The following TGM6 variants were observed in gnomAD, a reference collection of about 807,000 sequenced individuals.
TGM6 encodes the protein protein-glutamine gamma-glutamyltransferase 6.
In TGM6, 74 loss-of-function variants were observed where a neutral mutation model predicts 77.5. The ratio of observed to expected loss-of-function variants is 0.96; its 90% CI spans 0.79 to 1.16. TGM6 has a LOEUF of 1.16. TGM6 is among the 50% of genes most tolerant of loss of function. The probability of loss-of-function intolerance (pLI) is 0.00; values close to 1 mark genes in which losing one functional copy is unlikely to be tolerated. For missense variants in TGM6, 968 were observed against 940.2 expected (o/e 1.03, Z -0.39); for synonymous variants, 383 against 378.9 (o/e 1.01, Z -0.12).
intron 1 of TGM6, among the ~76,000 whole-genome samples, chr20:2,382,666 T>G (rs1239320022): frequency 6.6e-6 from 1 of 152,172 alleles, no homozygotes; most frequent in East Asian, 1.9e-4. Flanking sequence ...CTTGGGAGGA[T>G]CTGTTCCTCA....
intron 1 of TGM6, among the ~76,000 whole-genome samples, chr20:2,382,199 T>C (rs2084559760): frequency 1.3e-5 from 2 of 152,256 alleles, no homozygotes; most frequent in Non-Finnish European, 2.9e-5. Context: ...CCTCTTCATA[T>C]TTCCTCCTGG....
At chr20:2,418,905 T>C (rs1325085381) in intron 10 of TGM6, among the ~76,000 whole-genome samples, 6 of 151,802 alleles carry the variant, frequency 4.0e-5, no homozygotes, top group Non-Finnish European at 8.8e-5. Context: ...TGAAACCCCA[T>C]CTCTACTAAA....
Position 2,403,510 on chromosome 20 carries a change from A to G in TGM6, c.1093+10A>G, listed in dbSNP as rs375737445. ...CAGGAGGAGAGTGAAGGTACGCTCA[A>G]TTGGGTGGGGTAAGTTCCAGACCCC... On this transcript the variant is annotated intron_variant, in intron 8 of 12. Transcript: ENST00000202625. The G allele has an allele frequency of 3.7e-5, 60 of 1,613,970 alleles. No individual in the cohort carries two copies. Among genetic ancestry groups the G allele is most frequent in the Middle Eastern group, 1.6e-4 (1 of 6,084 alleles).
At chr20:2,394,853 T>C (rs1259459337) in intron 2 of TGM6, among the ~76,000 whole-genome samples, 1 of 152,148 alleles carries the variant, frequency 6.6e-6, no homozygotes. Context: ...TCTGGAACCC[T>C]GTGTGTACCA....
At chr20:2,396,275 G>A (rs1202315423) in intron 3 of TGM6, among the ~76,000 whole-genome samples, 1 of 152,148 alleles carries the variant, frequency 6.6e-6, no homozygotes, top group Non-Finnish European at 1.5e-5. Flanking sequence ...ACCCAAAGCT[G>A]TCAGTTCCCA....
Position 2,409,605 on chromosome 20 carries a change from G to A in TGM6, c.1336+5782G>A, listed in dbSNP as rs1464274455. Among the ~76,000 whole-genome samples the A allele has an allele frequency of 6.6e-5, 10 of 151,720 alleles. 1 individual carries two copies. The highest frequency in any genetic ancestry group is 3.9e-4 in the Admixed American group (6 of 15,236). On this transcript the variant is annotated intron_variant, in intron 9 of 12. Transcript: ENST00000202625. Reference sequence around the variant, plus strand: ...CATGCACCTATAGTTCCAGCTACTCGGGAGGCTGAGGCAAGAGAATCACCT... The same window carrying A: ...CATGCACCTATAGTTCCAGCTACTCAGGAGGCTGAGGCAAGAGAATCACCT...
At chr20:2,418,566 G>A (rs977368080) in intron 10 of TGM6, among the ~76,000 whole-genome samples, 9 of 152,298 alleles carry the variant, frequency 5.9e-5, no homozygotes, top group Admixed American at 5.9e-4. Flanking sequence ...TTCAAAGCCA[G>A]GAACGTTGAC....
chr20:2,383,644 T>C (rs921628583), intron 1 of TGM6, among the ~76,000 whole-genome samples: 3 of 152,108 alleles, frequency 2.0e-5, no homozygotes, highest in African/African-American at 7.2e-5. Context: ...AGTGATGGGA[T>C]GGATTGAACA....
intron 9 of TGM6, among the ~76,000 whole-genome samples, chr20:2,407,092 A>G (rs6036390): frequency 0.45 from 69,074 of 151,974 alleles, 17,448 homozygotes; most frequent in African/African-American, 0.68. Flanking sequence ...ACCCAGCCAG[A>G]GAACATAGCT....
Position 2,432,542 on chromosome 20 carries a change from C to T in TGM6, c.2020C>T (p.Pro674Ser), listed in dbSNP as rs2084930553. 2 of 1,614,012 alleles carry T rather than the reference C, an allele frequency of 1.2e-6. No individual in the cohort carries two copies. The highest frequency in any genetic ancestry group is 1.7e-6 in the Non-Finnish European group (2 of 1,180,036). Residue 674 changes from proline (P) to serine (S), a missense_variant, in exon 13 of 13, where the codon CCC (proline) becomes TCC (serine). Pro to Ser is a moderately conservative substitution (Grantham distance 74). Transcript: ENST00000202625. ...GGCCTCAGTCCAGTTTGACATCACC[C>T]CCTCCAAAAGTGGCCCAAGGCAGCT... is the stretch of plus-strand genomic sequence containing the variant. ...ERASVQFDIT[P>S]SKSGPRQLQV... is the part of the protein sequence containing the mutation.
intron 9 of TGM6, among the ~76,000 whole-genome samples, chr20:2,407,746 C>T (rs558650252): frequency 6.6e-6 from 1 of 152,358 alleles, no homozygotes; most frequent in African/African-American, 2.4e-5. Context: ...CCTCTGCCCT[C>T]CCTGCTATGC....
intron 4 of TGM6, among the ~76,000 whole-genome samples, chr20:2,397,198 G>C (rs998302387): frequency 1.3e-5 from 2 of 152,246 alleles, no homozygotes; most frequent in Non-Finnish European, 2.9e-5. Context: ...TGATATTGTA[G>C]TTGGGTCTCT....
rs1599947872 is a variant in TGM6 at position 2,395,100 on chromosome 20, G to A, written c.182-94G>A. 16 of 1,553,082 alleles carry A rather than the reference G, an allele frequency of 1.0e-5. No individual in the cohort carries two copies. In the East Asian group the frequency reaches 2.5e-4, roughly 25 times the overall value. ...AAAGCCTCCCAGAAGTTCAGGGGGTGAAGGTGGGGCTTCCAGGCCTGTAGC... is the reference window on the plus strand; with the variant it reads ...AAAGCCTCCCAGAAGTTCAGGGGGTAAAGGTGGGGCTTCCAGGCCTGTAGC... On this transcript the variant is annotated intron_variant, in intron 2 of 12. Transcript: ENST00000202625.
chr20:2,400,253 C>G (rs1568659046), intron 6 of TGM6, 53 bp from the exon 7 acceptor site: 1 of 1,611,736 alleles, frequency 6.2e-7, no homozygotes, highest in Non-Finnish European at 8.5e-7. Context: ...GGAAGCCAGG[C>G]CCCTCTCTCA....
chr20:2,386,400 G>A (rs2084596185), intron 1 of TGM6, among the ~76,000 whole-genome samples: 1 of 152,096 alleles, frequency 6.6e-6, no homozygotes, highest in Non-Finnish European at 1.5e-5. Flanking sequence ...GGAGGTGCCG[G>A]GGGCTGGCAG....
intron 6 of TGM6, 65 bp from the exon 7 acceptor site, chr20:2,400,240 TG>T (rs1411643198): frequency 2.5e-6 from 4 of 1,607,898 alleles, no homozygotes; most frequent in Non-Finnish European, 3.4e-6. Context: ...GGGCGCCTGC[TG>T]TGGAAGCCAG....
intron 5 of TGM6, 138 bp from the exon 6 acceptor site, chr20:2,399,423 C>T (rs1180323937): frequency 8.9e-7 from 1 of 1,117,626 alleles, no homozygotes; most frequent in Non-Finnish European, 1.4e-6. Context: ...AACAGATGCC[C>T]CTAATTTTCA....
intron 10 of TGM6, among the ~76,000 whole-genome samples, chr20:2,426,113 T>C (rs1046348503): frequency 6.6e-6 from 1 of 152,176 alleles, no homozygotes; most frequent in African/African-American, 2.4e-5. Context: ...ATTTTGACAA[T>C]ATTGAGCCTT....
chr20:2,381,395 C>T (rs543009612), intron 1 of TGM6, among the ~76,000 whole-genome samples: 2 of 152,322 alleles, frequency 1.3e-5, no homozygotes, highest in South Asian at 2.1e-4. Flanking sequence ...GCTGCATCCT[C>T]GCCTGATTCC....
Sources: allele counts gnomAD v4.1 joint callset (sites outside exome capture counted in the v4.1 genomes callset), GRCh38; gene constraint gnomAD v4.1.1; transcripts MANE v1.5; gene names NCBI Gene and HGNC (gene_info 2026-07-23, HGNC 2026-07-21).